Variants in ZC3HAV1 observed in about 807,000 individuals in gnomAD.
The protein encoded by ZC3HAV1 is zinc finger CCCH-type antiviral protein 1.
ZC3HAV1 carries 41 observed loss-of-function variants against 86.6 expected under a neutral mutation model. The observed-to-expected ratio is 0.47, with a 90% CI of 0.37 to 0.61. The LOEUF is 0.61. Ranked by LOEUF, ZC3HAV1 falls within the 20% of genes least tolerant of loss-of-function variation. The pLI is 0.00. For missense variants in ZC3HAV1, 964 were observed against 1,141.1 expected (o/e 0.84, Z 2.24); for synonymous variants, 421 against 432.1 (o/e 0.97, Z 0.32).
Position 139,101,966 on chromosome 7 carries a change from T to C in ZC3HAV1, c.308+7058A>G, listed in dbSNP as rs1325847047. On this transcript the variant is annotated intron_variant, in intron 1 of 12. Transcript: ENST00000242351. ...CTCCACTATTGTCCTATGACCCTGC[T>C]AAATCCCCCTCTGTGAGAAACACCC... is the stretch of plus-strand genomic sequence containing the variant. 3.4e-5 allele frequency among the ~76,000 whole-genome samples: 5 copies of C among 148,602 alleles called. No individual in the cohort carries two copies. The East Asian group carries it at 6.0e-4, about 18-fold the overall frequency.
At chr7:139,085,784 G>C (rs140472757) in intron 2 of ZC3HAV1, among the ~76,000 whole-genome samples, 2 of 152,128 alleles carry the variant, frequency 1.3e-5, no homozygotes, top group South Asian at 4.2e-4. Flanking sequence ...AGGCTGAGGC[G>C]GGAGGATCAC....
chr7:139,085,391 A>G (rs1275786641), intron 2 of ZC3HAV1, among the ~76,000 whole-genome samples: 2 of 152,246 alleles, frequency 1.3e-5, no homozygotes, highest in Non-Finnish European at 2.9e-5. Flanking sequence ...AAGTTTATAT[A>G]TCAGGCAGTC....
In ZC3HAV1 at chr7:139,078,673, G is replaced by A. The variant is rs961206377; in HGVS notation, c.1472-20C>T. 3 of 1,523,668 alleles carry A rather than the reference G, an allele frequency of 2.0e-6. No homozygotes were observed. The African/African-American group carries it at 4.3e-5, about 22-fold the overall frequency. 94.4% of individuals were successfully genotyped at this position (1,523,668 alleles called of 1,614,324 possible). A position where few individuals can be genotyped will look rare whatever the true frequency, so the allele number is the denominator to read the frequency against. On this transcript the variant is annotated intron_variant, in intron 4 of 12. Transcript: ENST00000242351. ...AAGAATCTATGAAACAAAAAAGGAT[G>A]CATGTATGCTGATCTTAATGTTTAA... is the stretch of plus-strand genomic sequence containing the variant.
At chr7:139,086,924 C>G (rs1296055225) in intron 2 of ZC3HAV1, among the ~76,000 whole-genome samples, 1 of 152,198 alleles carries the variant, frequency 6.6e-6, no homozygotes, top group African/African-American at 2.4e-5. Context: ...AATTAAACCT[C>G]TTTTCTTTAT....
intron 7 of ZC3HAV1, among the ~76,000 whole-genome samples, chr7:139,065,858 C>T (rs900961229): frequency 6.6e-6 from 1 of 151,840 alleles, no homozygotes; most frequent in Non-Finnish European, 1.5e-5. Context: ...GAGCCAAGAT[C>T]GTGCCACTGC....
Position 139,083,755 on chromosome 7 carries a change from C to A in ZC3HAV1, c.697+25G>T, listed in dbSNP as rs781503336. On this transcript the variant is annotated intron_variant, in intron 3 of 12. Coordinates refer to ENST00000242351, the MANE Select transcript of ZC3HAV1 (RefSeq NM_020119.4). ...AAAAAAAAAAAAAAAAGAGTTCACA[C>A]AATTGAAAAAGAAAAGGCCTTTACC... 87 of 1,538,668 alleles carry A rather than the reference C, an allele frequency of 5.7e-5. 1 individual carries two copies. The South Asian group carries it at 9.7e-4, about 17-fold the overall frequency.
At chr7:139,062,893 G>A (rs1816485604) in intron 8 of ZC3HAV1, among the ~76,000 whole-genome samples, 1 of 151,874 alleles carries the variant, frequency 6.6e-6, no homozygotes, top group African/African-American at 2.4e-5. Context: ...ACCAGGTGTG[G>A]TAGCACACAC....
chr7:139,105,927 C>A (rs1004934971), intron 1 of ZC3HAV1, among the ~76,000 whole-genome samples: 4 of 152,014 alleles, frequency 2.6e-5, no homozygotes, highest in African/African-American at 9.7e-5. Context: ...AAAAAAAATT[C>A]TCCCAGAGGT....
At chr7:139,084,544 T>C (rs979540388) in intron 2 of ZC3HAV1, among the ~76,000 whole-genome samples, 1 of 152,184 alleles carries the variant, frequency 6.6e-6, no homozygotes, top group Non-Finnish European at 1.5e-5. Flanking sequence ...TAGTCCCTAC[T>C]GGAAAGAGGG....
chr7:139,078,950 A>G (rs1056843785), intron 4 of ZC3HAV1, among the ~76,000 whole-genome samples: 2 of 152,142 alleles, frequency 1.3e-5, no homozygotes, highest in Admixed American at 6.6e-5. Flanking sequence ...CCCTGTCTTC[A>G]CTAGTCAATC....
At chr7:139,094,505 A>AAAC (rs914238053) in intron 1 of ZC3HAV1, among the ~76,000 whole-genome samples, 1 of 151,974 alleles carries the variant, frequency 6.6e-6, no homozygotes, top group African/African-American at 2.4e-5. Context: ...CTTAAAAAAA[A>AAAC]AAAAAAAAAC....
chr7:139,062,617 C>T (rs369079148), intron 8 of ZC3HAV1, among the ~76,000 whole-genome samples: 1 of 152,322 alleles, frequency 6.6e-6, no homozygotes, highest in South Asian at 2.1e-4. Context: ...CTTTTGAATA[C>T]AGGCTCGAAG....
In ZC3HAV1 at chr7:139,063,717, C is replaced by G. The variant is rs1816513594; in HGVS notation, c.1993+1162G>C. Among the ~76,000 whole-genome samples, 4 of 133,262 alleles carry G rather than the reference C, an allele frequency of 3.0e-5. No homozygotes were observed. In the South Asian group the frequency reaches 9.5e-4, roughly 32 times the overall value. The allele number at this position is 133,262 out of a possible 152,430, so 87.4% of individuals were successfully genotyped here. A position where few individuals can be genotyped will look rare whatever the true frequency, so the allele number is the denominator to read the frequency against. The stretch of plus-strand genomic sequence containing the variant: ...CTAGCCTGAGTGATGGCGTGGGACC[C>G]TGTCTCAAAAAAAAAAAAAAAAAAA... On this transcript the variant is annotated intron_variant, in intron 8 of 12. Coordinates refer to ENST00000242351, the MANE Select transcript of ZC3HAV1 (RefSeq NM_020119.4).
intron 9 of ZC3HAV1, among the ~76,000 whole-genome samples, chr7:139,055,766 A>G (rs1453259101): frequency 6.6e-6 from 1 of 152,218 alleles, no homozygotes; most frequent in African/African-American, 2.4e-5. Context: ...AAGCTACCAG[A>G]AAAATTCTTC....
intron 7 of ZC3HAV1, among the ~76,000 whole-genome samples, chr7:139,068,414 G>A (rs1443089966): frequency 6.6e-6 from 1 of 152,146 alleles, no homozygotes; most frequent in African/African-American, 2.4e-5. Flanking sequence ...AGTAACAGAA[G>A]GTCAGAGTGA....
chr7:139,072,292 C>T (rs1408646691), intron 7 of ZC3HAV1, among the ~76,000 whole-genome samples: 1 of 151,980 alleles, frequency 6.6e-6, no homozygotes, highest in African/African-American at 2.4e-5. Context: ...TCAAGCGATT[C>T]TCCTGCCTCA....
intron 1 of ZC3HAV1, among the ~76,000 whole-genome samples, chr7:139,100,179 T>TA (rs1335172874): frequency 6.6e-6 from 1 of 151,394 alleles, no homozygotes; most frequent in East Asian, 1.9e-4. Context: ...AAGACAAACT[T>TA]AAAAAAATGA....
At position 139,053,889 on chromosome 7, in the gene ZC3HAV1, T is replaced by C. The variant is rs141663570; in HGVS notation, c.2318+76A>G. The C allele has an allele frequency of 6.0e-6, 9 of 1,508,604 alleles. No individual in the cohort carries two copies. In the Admixed American group the frequency reaches 2.2e-4, roughly 37 times the overall value. 93.5% of individuals were successfully genotyped at this position (1,508,604 alleles called of 1,614,324 possible). ...TTAACTACTAAAATAAATCAGTGAATATAAATCTCAAAGGACGGATATTAA... is the reference window on the plus strand; with the variant it reads ...TTAACTACTAAAATAAATCAGTGAACATAAATCTCAAAGGACGGATATTAA... On this transcript the variant is annotated intron_variant, in intron 11 of 12. Coordinates refer to ENST00000242351, the MANE Select transcript of ZC3HAV1 (RefSeq NM_020119.4).
intron 3 of ZC3HAV1, 60 bp from the exon 4 acceptor site, chr7:139,080,303 A>G: frequency 6.3e-7 from 1 of 1,592,034 alleles, no homozygotes; most frequent in Non-Finnish European, 8.6e-7. Context: ...AATGTGACTG[A>G]GTTCCTACCA....
Sources: gnomAD v4.1 joint callset for allele counts (sites outside exome capture counted in the v4.1 genomes callset) on GRCh38, gnomAD v4.1.1 for gene constraint, MANE v1.5 for transcripts, NCBI Gene and HGNC (gene_info 2026-07-23, HGNC 2026-07-21) for gene names.